The following NT5DC3 variants were observed in gnomAD, a reference collection of about 807,000 sequenced individuals.
The protein encoded by NT5DC3 is 5'-nucleotidase domain-containing protein 3.
NT5DC3 carries 42 observed loss-of-function variants against 67.8 expected under a neutral mutation model. The observed-to-expected ratio is 0.62, with a 90% CI of 0.48 to 0.80. NT5DC3 has a LOEUF of 0.80. Among genes scored for constraint, NT5DC3 ranks in the 30% least tolerant of loss-of-function variants. The pLI is 0.00. For missense variants in NT5DC3, 570 were observed against 696.4 expected, an observed-to-expected ratio of 0.82 and a Z score of 2.04; for synonymous variants, 237 against 255.6, an observed-to-expected ratio of 0.93 and a Z score of 0.69.
In NT5DC3 at chr12:103,841,104, G is replaced by A; in HGVS notation, c.53C>T (p.Ala18Val). ...GCCACCCCGCAAAGCCGCCGCTGTC[G>A]CTGCCCTCGCCCCGGCCCCGCGTGC... Reference protein sequence around the residue: ...VVARGAGARAATAAALRGGCG... With the variant: ...VVARGAGARAVTAAALRGGCG... Residue 18 changes from alanine (A) to valine (V), a missense_variant, in exon 1 of 14, where the codon GCG becomes GTG. Around this residue, in one of 2 missense-constraint regions of NT5DC3, gnomAD observed 104 missense variants for 88.4 expected, o/e 1.18. Coordinates refer to ENST00000392876, the MANE Select transcript of NT5DC3 (RefSeq NM_001031701.3). 3 of 1,135,802 alleles carry A rather than the reference G, an allele frequency of 2.6e-6. No homozygotes were observed. The highest frequency in any genetic ancestry group is 3.3e-5 in the East Asian group (1 of 30,432). The allele number at this position is 1,135,802 out of a possible 1,614,324, so 70.4% of individuals were successfully genotyped here.
intron 9 of NT5DC3, among the ~76,000 whole-genome samples, chr12:103,792,415 T>C (rs117514584): frequency 0.011 from 1,715 of 152,324 alleles, 19 homozygotes; most frequent in Non-Finnish European, 0.014. Context: ...GCTTACCAGC[T>C]GCAGAATAAA....
the NT5DC3 span, chr12:103,750,811 C>G: frequency 6.9e-7 from 1 of 1,454,680 alleles, no homozygotes. Context: ...ACAAAACAGG[C>G]CAAGCCTGGT....
chr12:103,760,651 G>A, the NT5DC3 span, among the ~76,000 whole-genome samples: 2 of 152,140 alleles, frequency 1.3e-5, no homozygotes, highest in East Asian at 1.9e-4. Context: ...TGGGGGTAGC[G>A]GTGGAGGTGG....
chr12:103,807,466 GA>G lies in NT5DC3; in HGVS notation c.394-538del, dbSNP rs547300382. On this transcript the variant is annotated intron_variant, in intron 2 of 13. Transcript: ENST00000392876. ...CAGGTTTCACGGAGAGCCTTAAGGT[GA>G]AAACTTCTCAGAGTGGAGCCTCTCC... Among the ~76,000 whole-genome samples, 7 of 152,338 alleles carry G rather than the reference GA, an allele frequency of 4.6e-5. No individual in the cohort carries two copies. The East Asian group carries it at 1.3e-3, about 29-fold the overall frequency.
intron 1 of NT5DC3, among the ~76,000 whole-genome samples, chr12:103,825,519 C>T (rs1887655266): frequency 6.6e-6 from 1 of 152,218 alleles, no homozygotes; most frequent in South Asian, 2.1e-4. Flanking sequence ...GTGCATGGCA[C>T]AGTGGCTCAC....
chr12:103,778,481 A>G (rs1885420431), intron 13 of NT5DC3, among the ~76,000 whole-genome samples: 1 of 152,200 alleles, frequency 6.6e-6, no homozygotes, highest in South Asian at 2.1e-4. Flanking sequence ...CAGTAAGCAG[A>G]GATCATGCCA....
Position 103,806,864 on chromosome 12 carries a change from A to C in NT5DC3, c.459T>G (p.Asp153Glu). 2 of 1,594,844 alleles carry C rather than the reference A, an allele frequency of 1.3e-6. No homozygotes were observed. The highest frequency in any genetic ancestry group is 2.2e-5 in the South Asian group (2 of 90,636). Residue 153 changes from aspartate to glutamate, a missense_variant, in exon 3 of 14, where the codon GAT becomes GAG. This residue lies in a region of NT5DC3 where 466 missense variants were observed against 608.0 expected (regional missense o/e 0.77). Transcript: ENST00000392876. ...GGAGAAGTAAACCTACCCGCTGTAC[A>C]TCATAATGAAGTCCACGAATTGCAA... ...PNFAIRGLHY[D>E]VQRAVLMKID...
chr12:103,758,008 C>A, the NT5DC3 span: 2 of 1,035,936 alleles, frequency 1.9e-6, no homozygotes, highest in Non-Finnish European at 2.7e-6. Context: ...AGTCCTCAAA[C>A]TCTCCCACGG....
At chr12:103,778,147 G>T in intron 13 of NT5DC3, 66 bp from the exon 14 acceptor site, 3 of 1,443,624 alleles carry the variant, frequency 2.1e-6, no homozygotes, top group Non-Finnish European at 2.8e-6. Flanking sequence ...TTAAACTACT[G>T]AAATCAAAAT....
intron 6 of NT5DC3, among the ~76,000 whole-genome samples, chr12:103,795,842 G>A (rs971622556): frequency 6.6e-6 from 1 of 152,096 alleles, no homozygotes; most frequent in African/African-American, 2.4e-5. Flanking sequence ...TGTACAGTAA[G>A]TCCTTAACAT....
At chr12:103,778,780 T>C (rs1885432997) in intron 13 of NT5DC3, among the ~76,000 whole-genome samples, 1 of 152,040 alleles carries the variant, frequency 6.6e-6, no homozygotes, top group African/African-American at 2.4e-5. Context: ...CACTCCAGCC[T>C]GGGTGACAGA....
downstream of NT5DC3, among the ~76,000 whole-genome samples, chr12:103,767,372 A>C (rs1233743851): frequency 2.0e-5 from 3 of 152,212 alleles, no homozygotes; most frequent in East Asian, 5.8e-4. Context: ...CAAATTGATG[A>C]TTGATAGAGA....
intron 1 of NT5DC3, among the ~76,000 whole-genome samples, chr12:103,833,015 T>G (rs180754321): frequency 3.6e-4 from 55 of 152,226 alleles, no homozygotes; most frequent in African/African-American, 1.3e-3. Context: ...CCCTGCTGCG[T>G]AGAAAAAGCA....
the NT5DC3 span, chr12:103,746,542 GGTTTT>G: frequency 6.4e-7 from 1 of 1,554,168 alleles, no homozygotes; most frequent in Non-Finnish European, 8.9e-7. Context: ...TCCTTAGATG[GGTTTT>G]AACTCTTCAC....
the NT5DC3 span, chr12:103,762,523 G>A: frequency 6.7e-7 from 1 of 1,498,688 alleles, no homozygotes; most frequent in South Asian, 1.3e-5. Context: ...GTGTCACACA[G>A]TAGCAGGGGC....
At chr12:103,763,402 G>A in the NT5DC3 span, 1 of 1,025,592 alleles carries the variant, frequency 9.8e-7, no homozygotes, top group East Asian at 2.4e-5. Context: ...GCTCCCAGAG[G>A]CAAAGGGTGG....
intron 1 of NT5DC3, among the ~76,000 whole-genome samples, chr12:103,834,698 A>T (rs1370783): frequency 0.18 from 27,386 of 151,998 alleles, 2,604 homozygotes; most frequent in Middle Eastern, 0.31. Context: ...TAAAGTTTTT[A>T]AAAAAACTTT....
At chr12:103,812,073 T>A (rs1293536124) in intron 2 of NT5DC3, among the ~76,000 whole-genome samples, 1 of 152,028 alleles carries the variant, frequency 6.6e-6, no homozygotes, top group African/African-American at 2.4e-5. Context: ...AAAATCAAAA[T>A]ATAGACAGTT....
At chr12:103,797,438 C>T (rs184145401) in intron 5 of NT5DC3, among the ~76,000 whole-genome samples, 2 of 150,280 alleles carry the variant, frequency 1.3e-5, no homozygotes, top group East Asian at 3.9e-4. Flanking sequence ...CCACTGCACA[C>T]CAGCCTGGAC....
Sources: allele counts gnomAD v4.1 joint callset (sites outside exome capture counted in the v4.1 genomes callset), GRCh38; gene constraint gnomAD v4.1.1; regional missense constraint gnomAD v4.1.1; transcripts MANE v1.5; gene names NCBI Gene and HGNC (gene_info 2026-07-23, HGNC 2026-07-21).